Variants in HECW2 observed in about 807,000 individuals in gnomAD.
The protein encoded by HECW2 is E3 ubiquitin-protein ligase HECW2.
A neutral mutation model predicts 175.2 loss-of-function variants in HECW2; 61 were observed. That is an observed-to-expected ratio of 0.35 (90% CI 0.28 to 0.43). The LOEUF is 0.43. Among genes scored for constraint, HECW2 ranks in the 20% least tolerant of loss-of-function variants. HECW2 has a pLI of 1.00. For missense variants in HECW2, 1,524 were observed against 2,000.5 expected, an observed-to-expected ratio of 0.76 and a Z score of 4.54; for synonymous variants, 671 against 731.0, an observed-to-expected ratio of 0.92 and a Z score of 1.32.
chr2:196,483,463 T>A (rs1404927075), intron 1 of HECW2, among the ~76,000 whole-genome samples: 5 of 152,080 alleles, frequency 3.3e-5, no homozygotes, highest in African/African-American at 4.8e-5. Flanking sequence ...CCCTGCTGAG[T>A]GGGACAGGGA....
At chr2:196,562,171 A>G (rs1399654025) in intron 1 of HECW2, among the ~76,000 whole-genome samples, 2 of 152,166 alleles carry the variant, frequency 1.3e-5, no homozygotes, top group African/African-American at 4.8e-5. Context: ...AAGACAATGA[A>G]TTGGTGGAAT....
At chr2:196,574,255 C>A (rs1690483841) in intron 1 of HECW2, among the ~76,000 whole-genome samples, 1 of 151,954 alleles carries the variant, frequency 6.6e-6, no homozygotes, top group Admixed American at 6.6e-5. Flanking sequence ...CATGGTGAAA[C>A]CCCGTGTCCA....
At position 196,343,727 on chromosome 2, in the gene HECW2, G is replaced by A. The variant is rs1429772896; in HGVS notation, c.330C>T (p.Asn110=). ...CTTTTTGTGTTCCAGTCACACCCCT[G>A]TTCTTAGAATCCCAGAAGTTGGCTG... ...NSPANFWDSK[N]RGVTGTQKGQ... Residue 110 remains asparagine (N), a synonymous_variant, in exon 3 of 29, where the codon AAC becomes AAT. Coordinates refer to ENST00000644978, the MANE Select transcript of HECW2 (RefSeq NM_001348768.2). 1.2e-6 allele frequency: 2 copies of A among 1,613,670 alleles called. No individual in the cohort carries two copies. The highest frequency in any genetic ancestry group is 3.3e-5 in the Admixed American group (2 of 60,018).
At chr2:196,205,591 T>C (rs1223623355) in intron 28 of HECW2, among the ~76,000 whole-genome samples, 2 of 152,202 alleles carry the variant, frequency 1.3e-5, no homozygotes, top group African/African-American at 2.4e-5. Context: ...TAGGTGATCA[T>C]ACCATCTAGC....
At chr2:196,310,847 C>G (rs369185784) in intron 10 of HECW2, among the ~76,000 whole-genome samples, 70 of 151,226 alleles carry the variant, frequency 4.6e-4, no homozygotes, top group South Asian at 1.7e-3. Flanking sequence ...GACACACTTT[C>G]ACTACAAGAC....
At chr2:196,241,237 A>G (rs1207786821) in intron 20 of HECW2, among the ~76,000 whole-genome samples, 2 of 152,252 alleles carry the variant, frequency 1.3e-5, no homozygotes, top group Non-Finnish European at 2.9e-5. Flanking sequence ...GGCTGAATGC[A>G]TGACAGCTGG....
At chr2:196,261,746 G>A (rs1451391684) in intron 17 of HECW2, among the ~76,000 whole-genome samples, 1 of 152,104 alleles carries the variant, frequency 6.6e-6, no homozygotes, top group Admixed American at 6.5e-5. Flanking sequence ...TTTTGGTTTT[G>A]TAGTTTATAA....
chr2:196,429,247 G>A (rs111704984), intron 2 of HECW2, among the ~76,000 whole-genome samples: 11 of 152,064 alleles, frequency 7.2e-5, no homozygotes, highest in East Asian at 5.8e-4. Context: ...GCCTGGGGGG[G>A]GCCTACCTGC....
At chr2:196,285,839 A>T (rs1690366670) in intron 14 of HECW2, among the ~76,000 whole-genome samples, 1 of 152,230 alleles carries the variant, frequency 6.6e-6, no homozygotes, top group South Asian at 2.1e-4. Flanking sequence ...AAAAAAGCTT[A>T]TAGAAAAGTA....
chr2:196,278,137 T>A lies in HECW2; in HGVS notation c.3135+391A>T, dbSNP rs1392497262. Reference sequence around the variant, plus strand: ...GAACTTAAAGTATAATTAAAAAATATATATATATATATATAAAGAAATTCC... The same window carrying A: ...GAACTTAAAGTATAATTAAAAAATAAATATATATATATATAAAGAAATTCC... On this transcript the variant is annotated intron_variant, in intron 15 of 28. Coordinates refer to ENST00000644978, the MANE Select transcript of HECW2 (RefSeq NM_001348768.2). 4.8e-4 allele frequency among the ~76,000 whole-genome samples: 50 copies of A among 103,328 alleles called. 5 individuals are homozygous for A. Among genetic ancestry groups the A allele is most frequent in the African/African-American group, 1.2e-3 (39 of 32,184 alleles). 67.8% of individuals were successfully genotyped at this position (103,328 alleles called of 152,430 possible). A position where few individuals can be genotyped will look rare whatever the true frequency, so the allele number is the denominator to read the frequency against.
intron 13 of HECW2, 84 bp downstream of exon 13, chr2:196,306,404 T>A: frequency 7.5e-7 from 1 of 1,332,892 alleles, no homozygotes; most frequent in Non-Finnish European, 1.0e-6. Context: ...TTCGCCATTA[T>A]CATTCCTGCT....
chr2:196,232,629 T>G (rs1308800934), intron 21 of HECW2, among the ~76,000 whole-genome samples: 7 of 152,214 alleles, frequency 4.6e-5, no homozygotes, highest in African/African-American at 1.7e-4. Context: ...TTTGAAAACA[T>G]TGTCAGAAAT....
chr2:196,326,571 G>A (rs1692160625), intron 5 of HECW2, among the ~76,000 whole-genome samples: 1 of 151,716 alleles, frequency 6.6e-6, no homozygotes, highest in Non-Finnish European at 1.5e-5. Context: ...AGCCTCCTGA[G>A]TAGCTGGGAT....
At chr2:196,222,674 C>T (rs747296758) in intron 23 of HECW2, among the ~76,000 whole-genome samples, 16 of 152,108 alleles carry the variant, frequency 1.1e-4, no homozygotes, top group South Asian at 4.1e-4. Flanking sequence ...AACTGGCACT[C>T]GGGTTGACAA....
At chr2:196,216,928 T>C (rs1045868900) in intron 27 of HECW2, 80 bp downstream of exon 27, 4 of 925,614 alleles carry the variant, frequency 4.3e-6, no homozygotes, top group African/African-American at 3.5e-5. Context: ...TTATGGAGAA[T>C]AGTTAGCAGT....
chr2:196,231,777 A>G lies in HECW2; in HGVS notation c.3765-3523T>C, dbSNP rs572112257. On this transcript the variant is annotated intron_variant, in intron 21 of 28. Transcript: ENST00000644978. ...GCTGAGGCAGACGGATCACAAGGTC[A>G]GGACCATCGAGACCATCCTGGCTAA... is the stretch of plus-strand genomic sequence containing the variant. 4.2e-4 allele frequency among the ~76,000 whole-genome samples: 3 copies of G among 7,202 alleles called. No individual in the cohort carries two copies. The Non-Finnish European group carries it at 0.036, about 86-fold the overall frequency. 4.7% of individuals were successfully genotyped at this position (7,202 alleles called of 152,430 possible). A position where few individuals can be genotyped will look rare whatever the true frequency, so the allele number is the denominator to read the frequency against.
intron 7 of HECW2, among the ~76,000 whole-genome samples, chr2:196,322,102 A>G (rs917860721): frequency 2.0e-5 from 3 of 152,188 alleles, no homozygotes; most frequent in Non-Finnish European, 2.9e-5. Flanking sequence ...CCGTTTTTCA[A>G]GAGTAACAAG....
At chr2:196,407,399 A>C (rs761780928) in intron 2 of HECW2, among the ~76,000 whole-genome samples, 8 of 151,880 alleles carry the variant, frequency 5.3e-5, no homozygotes, top group Non-Finnish European at 1.0e-4. Flanking sequence ...ACAGGGTTTC[A>C]CCATGTTGCC....
chr2:196,536,438 A>T (rs1345530977), intron 1 of HECW2, among the ~76,000 whole-genome samples: 2 of 152,200 alleles, frequency 1.3e-5, no homozygotes, highest in Non-Finnish European at 2.9e-5. Context: ...TTTCCAGAGG[A>T]TGTGTCTAAA....
Sources: allele counts gnomAD v4.1 joint callset (sites outside exome capture counted in the v4.1 genomes callset), GRCh38; gene constraint gnomAD v4.1.1; transcripts MANE v1.5; gene names NCBI Gene and HGNC (gene_info 2026-07-23, HGNC 2026-07-21).